MAP4K5: variants seen among roughly 807,000 people sequenced by gnomAD.
The protein encoded by MAP4K5 is mitogen-activated protein kinase kinase kinase kinase 5.
MAP4K5 carries 82 observed loss-of-function variants against 135.6 expected under a neutral mutation model. The ratio of observed to expected loss-of-function variants is 0.60; its 90% CI spans 0.51 to 0.73. The LOEUF (loss-of-function observed/expected upper bound fraction) is 0.73, where lower values mean the gene tolerates loss of function less well. Ranked by LOEUF, MAP4K5 falls within the 30% of genes least tolerant of loss-of-function variation. The pLI is 0.00. For synonymous variants in MAP4K5, 347 were observed against 335.0 expected (o/e 1.04, Z -0.39); for missense variants, 907 against 1,010.9 (o/e 0.90, Z 1.39).
At chr14:50,436,514 C>A (rs1310144268) in intron 26 of MAP4K5, among the ~76,000 whole-genome samples, 1 of 151,258 alleles carries the variant, frequency 6.6e-6, no homozygotes, top group African/African-American at 2.4e-5. Flanking sequence ...TTTAGTGGGG[C>A]TGCATACTGA....
chr14:50,516,883 G>C (rs750184258), intron 2 of MAP4K5, among the ~76,000 whole-genome samples: 1 of 152,120 alleles, frequency 6.6e-6, no homozygotes, highest in Non-Finnish European at 1.5e-5. Flanking sequence ...AATAAGTATT[G>C]AGTCCCTATG....
intron 8 of MAP4K5, 132 bp from the exon 9 acceptor site, chr14:50,475,281 C>T: frequency 1.5e-6 from 1 of 664,408 alleles, no homozygotes; most frequent in Non-Finnish European, 2.6e-6. Flanking sequence ...AATTGAATAC[C>T]TAAATCTCTT....
At chr14:50,421,034 A>G (rs2139601591) in intron 32 of MAP4K5, among the ~76,000 whole-genome samples, 1 of 152,276 alleles carries the variant, frequency 6.6e-6, no homozygotes, top group South Asian at 2.1e-4. Flanking sequence ...TTATTTTTCT[A>G]GTGTATGAAT....
At chr14:50,461,518 G>A (rs942100977) in intron 13 of MAP4K5, among the ~76,000 whole-genome samples, 1 of 152,058 alleles carries the variant, frequency 6.6e-6, no homozygotes, top group Non-Finnish European at 1.5e-5. Flanking sequence ...CATAAGGAGA[G>A]AAAGAGACTG....
At chr14:50,484,830 G>C (rs1312072844) in intron 5 of MAP4K5, among the ~76,000 whole-genome samples, 4 of 152,076 alleles carry the variant, frequency 2.6e-5, no homozygotes, top group Admixed American at 6.5e-5. Context: ...CTGAAATTTG[G>C]TAAGGTTTCC....
At chr14:50,507,671 T>C (rs1595526643) in intron 2 of MAP4K5, among the ~76,000 whole-genome samples, 1 of 152,232 alleles carries the variant, frequency 6.6e-6, no homozygotes, top group Non-Finnish European at 1.5e-5. Flanking sequence ...AGTGAGTTTC[T>C]TAATCCTGAG....
At chr14:50,428,139 G>A (rs1309255084) in intron 30 of MAP4K5, among the ~76,000 whole-genome samples, 1 of 152,136 alleles carries the variant, frequency 6.6e-6, no homozygotes, top group Non-Finnish European at 1.5e-5. Flanking sequence ...GCCACATGTT[G>A]TTATTTACAT....
rs114146235 is a variant in MAP4K5, at chr14:50,459,902, G to A, written c.936+2763C>T. 3.6e-3 allele frequency among the ~76,000 whole-genome samples: 550 copies of A among 151,990 alleles called. 3 individuals are homozygous for A. Among genetic ancestry groups the A allele is most frequent in the African/African-American group, 0.012 (507 of 41,434 alleles). ...TTCTGTAGAAATGGGGTTTCGCTAC[G>A]TTGCCCAGGGTGGTCTTGAACTCCT... On this transcript the variant is annotated intron_variant, in intron 13 of 32. Transcript: ENST00000682126.
chr14:50,491,629 A>G (rs1423159171), intron 3 of MAP4K5, among the ~76,000 whole-genome samples: 4 of 151,978 alleles, frequency 2.6e-5, no homozygotes, highest in Non-Finnish European at 5.9e-5. Context: ...ACTGTGTTCC[A>G]AGCTATAAGC....
chr14:50,496,400 T>G (rs1269769399), intron 3 of MAP4K5, among the ~76,000 whole-genome samples: 2 of 152,088 alleles, frequency 1.3e-5, no homozygotes, highest in Non-Finnish European at 2.9e-5. Context: ...TTACTGAAAT[T>G]TTAAAAATAT....
chr14:50,529,781 G>A (rs2140121226), intron 2 of MAP4K5, among the ~76,000 whole-genome samples: 1 of 152,284 alleles, frequency 6.6e-6, no homozygotes, highest in East Asian at 1.9e-4. Flanking sequence ...ACATTACGAA[G>A]AGAGGAAATA....
intron 2 of MAP4K5, among the ~76,000 whole-genome samples, chr14:50,518,578 C>CT (rs1566691191): frequency 2.0e-4 from 30 of 152,146 alleles, no homozygotes; most frequent in African/African-American, 6.5e-4. Context: ...GCTTCCTATC[C>CT]CATGGAAGGA....
At chr14:50,427,476 A>G (rs1314235262) in intron 30 of MAP4K5, among the ~76,000 whole-genome samples, 1 of 152,216 alleles carries the variant, frequency 6.6e-6, no homozygotes, top group Non-Finnish European at 1.5e-5. Flanking sequence ...TTGTGGATAA[A>G]ACTCCAATTG....
At chr14:50,502,844 G>C (rs1181759148) in intron 3 of MAP4K5, among the ~76,000 whole-genome samples, 1 of 151,962 alleles carries the variant, frequency 6.6e-6, no homozygotes, top group Non-Finnish European at 1.5e-5. Flanking sequence ...CTATAGTAAT[G>C]GCTTTGGGAA....
chr14:50,550,859 G>C (rs2038693581), intron 1 of MAP4K5, among the ~76,000 whole-genome samples: 1 of 152,130 alleles, frequency 6.6e-6, no homozygotes, highest in African/African-American at 2.4e-5. Flanking sequence ...GAATGATAGT[G>C]ACACAACTTA....
chr14:50,519,003 A>G (rs1432810385), intron 2 of MAP4K5, among the ~76,000 whole-genome samples: 1 of 152,212 alleles, frequency 6.6e-6, no homozygotes, highest in Non-Finnish European at 1.5e-5. Context: ...GAAATAATTA[A>G]GATTGTGTGA....
upstream of MAP4K5, among the ~76,000 whole-genome samples, chr14:50,536,700 T>G (rs1456120923): frequency 6.6e-6 from 1 of 152,224 alleles, no homozygotes; most frequent in African/African-American, 2.4e-5. Context: ...TTGTTGGAAC[T>G]GGAGCAAAGG....
rs1257078177 is a variant in MAP4K5 at position 50,445,048 on chromosome 14, A to G, written c.1332T>C (p.Ser444=). ...TAATAATGCTAGCCATACCAATAGA[A>G]GAAGTCTCTGCCACAGGCCCACAAC... The part of the protein sequence containing the change: ...SPSCGPVAET[S]SIGNGDGISK... Residue 444 remains serine (S), a synonymous_variant, in exon 18 of 33, where the codon TCT becomes TCC. Coordinates refer to ENST00000682126, the MANE Select transcript of MAP4K5 (RefSeq NM_006575.6). 3.1e-6 allele frequency: 5 copies of G among 1,613,276 alleles called. No homozygotes were observed. In the South Asian group the frequency reaches 5.5e-5, roughly 18 times the overall value.
chr14:50,444,251 G>A (rs1238969483), intron 18 of MAP4K5, among the ~76,000 whole-genome samples: 7 of 151,810 alleles, frequency 4.6e-5, no homozygotes, highest in African/African-American at 1.7e-4. Flanking sequence ...ATGTTTTTCC[G>A]TATCATGAAG....
Sources: gnomAD v4.1 joint callset for allele counts (sites outside exome capture counted in the v4.1 genomes callset) on GRCh38, gnomAD v4.1.1 for gene constraint, MANE v1.5 for transcripts, NCBI Gene and HGNC (gene_info 2026-07-23, HGNC 2026-07-21) for gene names.